Variants in PTPRD observed in about 807,000 individuals in gnomAD.
The protein encoded by PTPRD is protein tyrosine phosphatase receptor type D, also known as receptor-type tyrosine-protein phosphatase delta.
A neutral mutation model predicts 214.5 loss-of-function variants in PTPRD; 34 were observed. The ratio of observed to expected loss-of-function variants is 0.16; its 90% confidence interval spans 0.12 to 0.21. The LOEUF is 0.21. Ranked by LOEUF, PTPRD falls within the 10% of genes least tolerant of loss-of-function variation. The pLI, the probability that PTPRD is intolerant of heterozygous loss-of-function variation, is 1.00. For synonymous variants in PTPRD, 1,128 were observed against 845.7 expected (o/e 1.33, Z -5.79); for missense variants, 2,545 against 2,398.7 (o/e 1.06, Z -1.27).
chr9:10,420,585 G>C (rs1403161596), intron 2 of PTPRD, among the ~76,000 whole-genome samples: 1 of 151,718 alleles, frequency 6.6e-6, no homozygotes, highest in East Asian at 2.0e-4. Context: ...AAAGGGCCAG[G>C]AGTAAATTAC....
At chr9:10,423,894 T>C (rs551964468) in intron 2 of PTPRD, among the ~76,000 whole-genome samples, 5 of 152,140 alleles carry the variant, frequency 3.3e-5, no homozygotes, top group Non-Finnish European at 7.4e-5. Context: ...TTTTTTGCTG[T>C]ATTTTTTCCC....
At chr9:9,768,552 A>G (rs2098725001) in intron 5 of PTPRD, among the ~76,000 whole-genome samples, 1 of 152,132 alleles carries the variant, frequency 6.6e-6, no homozygotes, top group African/African-American at 2.4e-5. Context: ...TACATCAGAG[A>G]AATCAAAGTA....
chr9:9,072,389 T>G (rs901056930), intron 10 of PTPRD, among the ~76,000 whole-genome samples: 1 of 151,734 alleles, frequency 6.6e-6, no homozygotes. Flanking sequence ...GCTACCAGAC[T>G]ATACACAATG....
intron 7 of PTPRD, among the ~76,000 whole-genome samples, chr9:9,721,125 C>G (rs1182547095): frequency 1.3e-5 from 2 of 151,888 alleles, no homozygotes; most frequent in Admixed American, 1.3e-4. Context: ...ATATGTACCC[C>G]TGAAACTAAA....
At chr9:9,132,771 G>A (rs919040553) in intron 10 of PTPRD, among the ~76,000 whole-genome samples, 2 of 152,104 alleles carry the variant, frequency 1.3e-5, no homozygotes, top group African/African-American at 2.4e-5. Flanking sequence ...ATGCTATAGG[G>A]AATGAATGGA....
chr9:9,052,841 C>G (rs1029325747), intron 10 of PTPRD, among the ~76,000 whole-genome samples: 25 of 152,076 alleles, frequency 1.6e-4, no homozygotes, highest in Non-Finnish European at 3.4e-4. Flanking sequence ...AAAATAAAAT[C>G]TTCTAGGCAG....
intron 3 of PTPRD, among the ~76,000 whole-genome samples, chr9:10,086,586 G>C (rs1200203711): frequency 6.6e-6 from 1 of 151,702 alleles, no homozygotes; most frequent in African/African-American, 2.4e-5. Context: ...CCTCATTTTA[G>C]GCAAGCAAAG....
intron 4 of PTPRD, among the ~76,000 whole-genome samples, chr9:9,960,123 G>T (rs532726653): frequency 1.3e-5 from 2 of 150,834 alleles, no homozygotes; most frequent in African/African-American, 4.9e-5. Context: ...CAGGAAATAT[G>T]CAACAACTTG....
At chr9:9,585,180 C>A (rs1219526495) in intron 7 of PTPRD, among the ~76,000 whole-genome samples, 1 of 152,014 alleles carries the variant, frequency 6.6e-6, no homozygotes, top group Non-Finnish European at 1.5e-5. Context: ...CTTCCCAGTA[C>A]TTTGAATGTA....
intron 39 of PTPRD, among the ~76,000 whole-genome samples, chr9:8,361,733 C>A (rs1442123220): frequency 6.6e-6 from 1 of 152,110 alleles, no homozygotes; most frequent in Non-Finnish European, 1.5e-5. Context: ...CTGTGTGATG[C>A]GTGCTTGGGG....
At chr9:8,950,966 C>T (rs575143340) in intron 11 of PTPRD, among the ~76,000 whole-genome samples, 20 of 152,002 alleles carry the variant, frequency 1.3e-4, no homozygotes, top group African/African-American at 4.1e-4. Flanking sequence ...ATTTCAGAAA[C>T]GTTTTGATAG....
intron 4 of PTPRD, among the ~76,000 whole-genome samples, chr9:9,960,040 T>C (rs565444336): frequency 4.6e-4 from 70 of 152,282 alleles, no homozygotes; most frequent in African/African-American, 1.7e-3. Context: ...ACCCTGATAC[T>C]GGTTTCTAAT....
At chr9:8,823,415 C>T (rs1408562768) in intron 11 of PTPRD, among the ~76,000 whole-genome samples, 3 of 152,184 alleles carry the variant, frequency 2.0e-5, no homozygotes, top group Non-Finnish European at 4.4e-5. Context: ...TCATGGAAAC[C>T]TTAAACCAAT....
chr9:8,557,468 C>T (rs1016982672), intron 14 of PTPRD, among the ~76,000 whole-genome samples: 12 of 127,562 alleles, frequency 9.4e-5, no homozygotes, highest in Admixed American at 5.8e-4. Flanking sequence ...TTGGGCCGGG[C>T]GCGGTGGCTC....
At chr9:9,315,503 A>T (rs1048254898) in intron 9 of PTPRD, among the ~76,000 whole-genome samples, 1 of 152,014 alleles carries the variant, frequency 6.6e-6, no homozygotes, top group Non-Finnish European at 1.5e-5. Context: ...TTTTCTATAT[A>T]CCACACATTA....
chr9:9,257,595 C>T (rs1330385519), intron 9 of PTPRD, among the ~76,000 whole-genome samples: 9 of 151,950 alleles, frequency 5.9e-5, no homozygotes, highest in Admixed American at 5.2e-4. Flanking sequence ...GGCTCAAGAC[C>T]AGACTGGGCA....
At chr9:9,667,148 G>T (rs767302088) in intron 7 of PTPRD, among the ~76,000 whole-genome samples, 6 of 151,794 alleles carry the variant, frequency 4.0e-5, no homozygotes, top group Non-Finnish European at 8.8e-5. Flanking sequence ...GTTTATTACT[G>T]ATTACTCATG....
At chr9:10,478,121 T>G (rs1028253825) in intron 2 of PTPRD, among the ~76,000 whole-genome samples, 3 of 151,746 alleles carry the variant, frequency 2.0e-5, no homozygotes, top group Non-Finnish European at 4.4e-5. Context: ...GTTTAGCACA[T>G]GTATCCCAGA....
chr9:9,489,860 T>C (rs956877476), intron 8 of PTPRD, among the ~76,000 whole-genome samples: 1 of 152,052 alleles, frequency 6.6e-6, no homozygotes, highest in African/African-American at 2.4e-5. Flanking sequence ...GAGTCTAAAA[T>C]GTTTCCAAAT....
Sources: gnomAD v4.1 joint callset for allele counts (sites outside exome capture counted in the v4.1 genomes callset) on GRCh38, gnomAD v4.1.1 for gene constraint, MANE v1.5 for transcripts, NCBI Gene and HGNC (gene_info 2026-07-23, HGNC 2026-07-21) for gene names.